Variants in NHS observed in about 807,000 individuals in gnomAD.
NHS encodes the protein actin remodeling regulator NHS.
Under a neutral mutation model 72.5 loss-of-function variants are expected in NHS, and 5 were observed. The ratio of observed to expected loss-of-function variants is 0.07; its 90% confidence interval spans 0.04 to 0.14. NHS has a LOEUF of 0.14. Among genes scored for constraint, NHS ranks in the 10% least tolerant of loss-of-function variants. The pLI is 1.00. For missense variants in NHS, 1,072 were observed against 1,355.7 expected, an observed-to-expected ratio of 0.79 and a Z score of 3.29; for synonymous variants, 464 against 547.7, an observed-to-expected ratio of 0.85 and a Z score of 2.13.
intron 1 of NHS, among the ~76,000 whole-genome samples, chrX:17,637,029 G>A (rs1223121277): frequency 8.9e-6 from 1 of 111,763 alleles, no homozygotes; most frequent in African/African-American, 3.3e-5. Flanking sequence ...CGATAACAGT[G>A]CATGTTTTTA....
At chrX:17,690,239 G>T (rs1431093926) in intron 2 of NHS, among the ~76,000 whole-genome samples, 2 of 112,197 alleles carry the variant, frequency 1.8e-5, no homozygotes. Flanking sequence ...TTTTAACCTT[G>T]TCCAAGAAAC....
chrX:17,487,733 C>A (rs749110340), intron 1 of NHS, among the ~76,000 whole-genome samples: 2 of 111,712 alleles, frequency 1.8e-5, no homozygotes, highest in East Asian at 5.7e-4. Context: ...GTACCCAAGC[C>A]ACAAGGCTGT....
intron 1 of NHS, among the ~76,000 whole-genome samples, chrX:17,481,913 G>A (rs2064947464): frequency 8.9e-6 from 1 of 111,854 alleles, no homozygotes; most frequent in African/African-American, 3.2e-5. Flanking sequence ...TTAGCCAAAA[G>A]GTCAAGAAGC....
intron 1 of NHS, among the ~76,000 whole-genome samples, chrX:17,589,098 G>A (rs1202398358): frequency 8.9e-5 from 10 of 112,244 alleles, no homozygotes; most frequent in Admixed American, 9.5e-5. Flanking sequence ...TACTTACTAG[G>A]TTCTCAATAA....
chrX:17,593,874 T>A (rs2065614115), intron 1 of NHS, among the ~76,000 whole-genome samples: 1 of 111,737 alleles, frequency 8.9e-6, no homozygotes. Context: ...AGTAGGTGGA[T>A]GGATGGATGG....
chrX:17,650,262 C>A (rs768155005), intron 1 of NHS, among the ~76,000 whole-genome samples: 2 of 112,238 alleles, frequency 1.8e-5, no homozygotes, highest in Non-Finnish European at 3.8e-5. Flanking sequence ...ATGGCCAATT[C>A]TGGATGCTCA....
At chrX:17,528,339 T>C (rs909923193) in intron 1 of NHS, 3 of 112,184 alleles carry the variant, frequency 2.7e-5, no homozygotes, top group African/African-American at 9.7e-5. Flanking sequence ...GCTTCTGATA[T>C]GGCTCCTCCC....
intron 3 of NHS, among the ~76,000 whole-genome samples, chrX:17,699,196 C>A (rs1023041110): frequency 1.8e-5 from 2 of 111,701 alleles, no homozygotes; most frequent in Non-Finnish European, 3.8e-5. Flanking sequence ...AATAAAAATA[C>A]CAATAAGCTT....
intron 1 of NHS, among the ~76,000 whole-genome samples, chrX:17,636,277 C>T (rs904210314): frequency 2.7e-5 from 3 of 112,471 alleles, no homozygotes; most frequent in African/African-American, 9.7e-5. Context: ...TCTGTTAAAC[C>T]ACTGTGGGGC....
At position 17,640,068 on chromosome X, in the gene NHS, G is replaced by A. The variant is rs140094941; in HGVS notation, c.566-47674G>A. Among the ~76,000 whole-genome samples the A allele has an allele frequency of 1.8e-3, 204 of 112,051 alleles. 1 individual carries two copies. Among genetic ancestry groups the A allele is most frequent in the African/African-American group, 6.0e-3 (185 of 30,831 alleles). On this transcript the variant is annotated intron_variant, in intron 1 of 8. Transcript: ENST00000676302. ...GGCATAGGAGGTGATGGAGGAGATGGTAAGGTTTAGGAAGAGATAAGGCTG... is the reference window on the plus strand; with the variant it reads ...GGCATAGGAGGTGATGGAGGAGATGATAAGGTTTAGGAAGAGATAAGGCTG...
At chrX:17,379,671 A>G (rs937149205) in intron 1 of NHS, among the ~76,000 whole-genome samples, 1 of 111,707 alleles carries the variant, frequency 9.0e-6, no homozygotes, top group African/African-American at 3.3e-5. Flanking sequence ...GCTACTTGGG[A>G]GGCTGAGGCA....
rs2064945250 is a variant in NHS at position 17,481,324 on chromosome X, C to CT, written c.565+105004dup. ...GAGGAGGGAAAGATAAACTTTGCTGCTTCTGACATGACTTTTTTTCTTCTC... is the reference window on the plus strand; with the variant it reads ...GAGGAGGGAAAGATAAACTTTGCTGCTTTCTGACATGACTTTTTTTCTTCTC... On this transcript the variant is annotated intron_variant, in intron 1 of 8. Transcript: ENST00000676302. Among the ~76,000 whole-genome samples, 3 of 111,976 alleles carry CT rather than the reference C, an allele frequency of 2.7e-5. No individual in the cohort carries two copies. In the South Asian group the frequency reaches 1.1e-3, roughly 41 times the overall value.
At position 17,487,368 on chromosome X, in the gene NHS, T is replaced by C. The variant is rs1294978366; in HGVS notation, c.565+111046T>C. 2.7e-5 allele frequency among the ~76,000 whole-genome samples: 3 copies of C among 111,754 alleles called. No homozygotes were observed. The Admixed American group carries it at 2.8e-4, about 11-fold the overall frequency. Reference sequence around the variant, plus strand: ...CTGCCTTTGGGCCTTGGGAGGCTTCTAATTTAGGGCGCCCACCCTCCAACG... The same window carrying C: ...CTGCCTTTGGGCCTTGGGAGGCTTCCAATTTAGGGCGCCCACCCTCCAACG... On this transcript the variant is annotated intron_variant, in intron 1 of 8. Transcript: ENST00000676302.
At chrX:17,459,836 C>T (rs2064839966) in intron 1 of NHS, among the ~76,000 whole-genome samples, 1 of 112,095 alleles carries the variant, frequency 8.9e-6, no homozygotes, top group Non-Finnish European at 1.9e-5. Context: ...TTCCCTCCTC[C>T]CAACACCCCC....
At chrX:17,604,001 TAAAC>T (rs2065665881) in intron 1 of NHS, among the ~76,000 whole-genome samples, 1 of 111,440 alleles carries the variant, frequency 9.0e-6, no homozygotes, top group Non-Finnish European at 1.9e-5. Flanking sequence ...GAATATCACT[TAAAC>T]AATATCTGTG....
rs189142814 is a variant in NHS, at chrX:17,379,546, G to A, written c.565+3224G>A. 7.9e-3 allele frequency among the ~76,000 whole-genome samples: 886 copies of A among 111,722 alleles called. 10 individuals are homozygous for A. Among genetic ancestry groups the A allele is most frequent in the African/African-American group, 0.027 (843 of 30,763 alleles). On this transcript the variant is annotated intron_variant, in intron 1 of 8. Transcript: ENST00000676302. ...TCCCAGCACTTTGGGAGGCCGAGGC[G>A]GGCAGATCGCCTGAGGTCAGGAGTT... is the stretch of plus-strand genomic sequence containing the variant.
At chrX:17,404,673 G>A (rs1395202056) in intron 1 of NHS, among the ~76,000 whole-genome samples, 1 of 110,813 alleles carries the variant, frequency 9.0e-6, no homozygotes, top group East Asian at 2.8e-4. Flanking sequence ...AGATTCTTCT[G>A]TTTCCTTCTT....
intron 1 of NHS, among the ~76,000 whole-genome samples, chrX:17,578,848 G>T (rs6527811): frequency 0.22 from 24,407 of 111,329 alleles, 5,907 homozygotes; most frequent in African/African-American, 0.72. Context: ...AGTATCTTGC[G>T]GCACTGCTCT....
intron 3 of NHS, among the ~76,000 whole-genome samples, chrX:17,700,864 C>T (rs1393300081): frequency 9.0e-6 from 1 of 111,317 alleles, no homozygotes; most frequent in Non-Finnish European, 1.9e-5. Context: ...AAAGGCAAAG[C>T]CCAAAAAAGT....
Sources: allele counts gnomAD v4.1 joint callset (sites outside exome capture counted in the v4.1 genomes callset), GRCh38; gene constraint gnomAD v4.1.1; transcripts MANE v1.5; gene names NCBI Gene and HGNC (gene_info 2026-07-23, HGNC 2026-07-21).